The following TMEM229B variants were observed in gnomAD, a reference collection of about 807,000 sequenced individuals.
TMEM229B encodes chromosome 14 open reading frame 83.
TMEM229B carries 6 observed loss-of-function variants against 13.7 expected under a neutral mutation model. That is an observed-to-expected ratio of 0.44 (90% CI 0.24 to 0.86). The LOEUF (loss-of-function observed/expected upper bound fraction) is 0.86, where lower values mean the gene tolerates loss of function less well. TMEM229B is among the 40% of genes least tolerant of loss of function. The pLI is 0.23. For missense variants in TMEM229B, 170 were observed against 236.0 expected (o/e 0.72, Z 1.83); for synonymous variants, 107 against 102.1 (o/e 1.05, Z -0.29).
At chr14:67,500,814 G>A (rs1320857637) in intron 1 of TMEM229B, among the ~76,000 whole-genome samples, 1 of 151,676 alleles carries the variant, frequency 6.6e-6, no homozygotes, top group South Asian at 2.1e-4. Context: ...CTTGTGATCC[G>A]CCCGCCTCGG....
Position 67,473,274 on chromosome 14 carries a change from G to T in TMEM229B, c.*146C>A. On this transcript the variant is annotated 3_prime_UTR_variant, in exon 3 of 3. Coordinates refer to ENST00000554480, the MANE Select transcript of TMEM229B (RefSeq NM_001348543.2). The surrounding 1 kb of genome is among the most constrained non-coding windows in gnomAD (Gnocchi z 6.5). ...ACGGCCCCCCAACACCGGCCCCCGC[G>T]GACGTTAGGGGGCTCTGTGTGCCCT... The T allele has an allele frequency of 8.9e-7, 1 of 1,127,806 alleles. No homozygotes were observed. Among genetic ancestry groups the T allele is most frequent in the Non-Finnish European group, 1.3e-6 (1 of 795,492 alleles). 69.9% of individuals were successfully genotyped at this position (1,127,806 alleles called of 1,614,324 possible).
upstream of TMEM229B, among the ~76,000 whole-genome samples, chr14:67,518,872 A>G (rs1357378806): frequency 6.6e-6 from 1 of 152,238 alleles, no homozygotes; most frequent in African/African-American, 2.4e-5. Context: ...GAAAGGGTCT[A>G]GGAGGGAGAC....
At chr14:67,517,698 CA>C (rs1052951543), upstream of TMEM229B, among the ~76,000 whole-genome samples, 38 of 151,990 alleles carry the variant, frequency 2.5e-4, no homozygotes, top group African/African-American at 4.6e-4. Flanking sequence ...CATTTCTTCC[CA>C]AAAAAATTTA....
upstream of TMEM229B, among the ~76,000 whole-genome samples, chr14:67,489,618 C>A (rs1226794607): frequency 6.6e-6 from 1 of 152,228 alleles, no homozygotes; most frequent in Non-Finnish European, 1.5e-5. Context: ...CGTCCCACAA[C>A]CTCCAGGTCA....
At position 67,473,980 on chromosome 14, in the gene TMEM229B, C is replaced by T. The variant is rs144621335; in HGVS notation, c.-18-39G>A. ...AAGAGAGACAGGTGAGGGCCGGGCG[C>T]GGTGGCTCACGCCTATAATCCCTGC... On this transcript the variant is annotated intron_variant, in intron 2 of 2. Transcript: ENST00000554480. This position sits in a 1 kb window ranked among gnomAD's most constrained non-coding sequence, Gnocchi z 6.5. 1.1e-3 allele frequency: 1,719 copies of T among 1,518,888 alleles called. 7 individuals carry two copies. The highest frequency in any genetic ancestry group is 7.4e-3 in the African/African-American group (536 of 72,708). 94.1% of individuals were successfully genotyped at this position (1,518,888 alleles called of 1,614,324 possible).
chr14:67,507,618 T>C (rs1342110602), intron 1 of TMEM229B, among the ~76,000 whole-genome samples: 2 of 152,086 alleles, frequency 1.3e-5, no homozygotes, highest in African/African-American at 2.4e-5. Context: ...CCAACTAATT[T>C]TGTGTAAAGA....
At chr14:67,487,654 C>G (rs78395699) in intron 1 of TMEM229B, among the ~76,000 whole-genome samples, 1 of 152,286 alleles carries the variant, frequency 6.6e-6, no homozygotes, top group East Asian at 1.9e-4. Flanking sequence ...AACCTTTCTA[C>G]GTACTATTCT....
At chr14:67,527,097 C>T (rs73272316) in intron 1 of TMEM229B, among the ~76,000 whole-genome samples, 3,840 of 152,268 alleles carry the variant, frequency 0.025, 141 homozygotes, top group African/African-American at 0.078. Flanking sequence ...GTGGCTCACT[C>T]ATTGCAACCT....
intron 1 of TMEM229B, among the ~76,000 whole-genome samples, chr14:67,531,382 T>C (rs1412590306): frequency 6.6e-6 from 1 of 152,126 alleles, no homozygotes; most frequent in Non-Finnish European, 1.5e-5. Flanking sequence ...AAATTCCTAA[T>C]GTAGGGTTCA....
chr14:67,519,714 GTTT>G (rs11306782), upstream of TMEM229B, among the ~76,000 whole-genome samples: 2 of 145,048 alleles, frequency 1.4e-5, no homozygotes, highest in Admixed American at 6.8e-5. Flanking sequence ...CTGTAAGTTT[GTTT>G]TTTTTTTTTT....
chr14:67,490,259 A>G (rs1018680603), upstream of TMEM229B, among the ~76,000 whole-genome samples: 12 of 152,316 alleles, frequency 7.9e-5, no homozygotes, highest in African/African-American at 2.9e-4. Context: ...TGAAGGAAGC[A>G]AGGAGTGTGC....
intron 2 of TMEM229B, among the ~76,000 whole-genome samples, chr14:67,477,954 C>T (rs2031329393): frequency 6.6e-6 from 1 of 152,124 alleles, no homozygotes; most frequent in Non-Finnish European, 1.5e-5. Context: ...CCTTGCCTGC[C>T]TGGTTCAGCA....
intron 1 of TMEM229B, among the ~76,000 whole-genome samples, chr14:67,506,557 G>A (rs1325706541): frequency 6.6e-6 from 1 of 152,228 alleles, no homozygotes; most frequent in African/African-American, 2.4e-5. Flanking sequence ...GGAATAAGAG[G>A]TGAGGAAAAT....
In TMEM229B at chr14:67,471,122, C is replaced by A. The variant is rs3742858; in HGVS notation, c.*2298G>T. 3 of 152,246 alleles carry A rather than the reference C, an allele frequency of 2.0e-5. No homozygotes were observed. The highest frequency in any genetic ancestry group is 4.4e-5 in the Non-Finnish European group (3 of 68,104). The allele number at this position is 152,246 out of a possible 1,614,324, so 9.4% of individuals were successfully genotyped here. On this transcript the variant is annotated 3_prime_UTR_variant, in exon 3 of 3. Coordinates refer to ENST00000554480, the MANE Select transcript of TMEM229B (RefSeq NM_001348543.2). ...ACCTAGATGGAGCAGAAACACAATG[C>A]TGGATGTTGCCAGGCACACAGGCAT...
intron 1 of TMEM229B, among the ~76,000 whole-genome samples, chr14:67,508,096 T>C (rs1198455008): frequency 6.7e-6 from 1 of 148,550 alleles, no homozygotes; most frequent in Non-Finnish European, 1.5e-5. Context: ...CGAAGTCACA[T>C]TGCACTCCAG....
chr14:67,527,811 C>T (rs185141826), intron 1 of TMEM229B, among the ~76,000 whole-genome samples: 9 of 152,288 alleles, frequency 5.9e-5, no homozygotes, highest in Non-Finnish European at 1.2e-4. Flanking sequence ...CCTCAGATTG[C>T]GGAGCAAAGT....
At position 67,472,537 on chromosome 14, in the gene TMEM229B, T is replaced by G; in HGVS notation, c.*883A>C. ...GCCCACTAGACCGGGGGTAGGGAGG[T>G]GTAACTCAGGAACTCCCCAGGCATC... On this transcript the variant is annotated 3_prime_UTR_variant, in exon 3 of 3. Transcript: ENST00000554480. 6.7e-6 allele frequency: 1 copy of G among 148,162 alleles called. No individual in the cohort carries two copies. The highest frequency in any genetic ancestry group is 2.5e-5 in the African/African-American group (1 of 39,788). 9.2% of individuals were successfully genotyped at this position (148,162 alleles called of 1,614,324 possible).
chr14:67,484,504 G>T (rs1320943252), intron 2 of TMEM229B, among the ~76,000 whole-genome samples: 1 of 152,142 alleles, frequency 6.6e-6, no homozygotes, highest in Non-Finnish European at 1.5e-5. Context: ...AAACATTACA[G>T]AATGACATAG....
At chr14:67,474,906 AT>A (rs1324906999) in intron 2 of TMEM229B, among the ~76,000 whole-genome samples, 1 of 142,758 alleles carries the variant, frequency 7.0e-6, no homozygotes, top group African/African-American at 2.7e-5. Context: ...ACATGTCAGA[AT>A]TTCCTTCTTT....
Sources: allele counts gnomAD v4.1 joint callset (sites outside exome capture counted in the v4.1 genomes callset), GRCh38; gene constraint gnomAD v4.1.1; non-coding constraint Gnocchi (gnomAD v3.1); transcripts MANE v1.5; gene names NCBI Gene and HGNC (gene_info 2026-07-23, HGNC 2026-07-21).